The following SAMD5 variants were observed in gnomAD, a reference collection of about 807,000 sequenced individuals.
The protein encoded by SAMD5 is sterile alpha motif domain containing 5.
In SAMD5, 13 loss-of-function variants were observed where a neutral mutation model predicts 11.3. The observed-to-expected ratio is 1.15, with a 90% CI of 0.75 to 1.83. The LOEUF is 1.83. SAMD5 is among the 40% of genes most tolerant of loss of function. The pLI, the probability that SAMD5 is intolerant of heterozygous loss-of-function variation, is 0.00. For missense variants in SAMD5, 255 were observed against 239.1 expected (o/e 1.07, Z -0.44); for synonymous variants, 129 against 111.3 (o/e 1.16, Z -1.00).
chr6:147,677,759 T>C (rs73787371), intron 1 of SAMD5, among the ~76,000 whole-genome samples: 5,422 of 151,844 alleles, frequency 0.036, 331 homozygotes, highest in African/African-American at 0.12. Context: ...GGTTAGAGGG[T>C]GTATGGTGGT....
chr6:147,678,283 TTTG>T (rs34938695), intron 1 of SAMD5, among the ~76,000 whole-genome samples: 92,083 of 151,764 alleles, frequency 0.61, 28,455 homozygotes, highest in East Asian at 0.71. Context: ...AATAACAAAA[TTTG>T]TTATTGTAAA....
intron 1 of SAMD5, among the ~76,000 whole-genome samples, chr6:147,622,129 A>G (rs1789980107): frequency 6.6e-6 from 1 of 152,194 alleles, no homozygotes; most frequent in Admixed American, 6.5e-5. Context: ...GGCAGGGTAC[A>G]GTCATCCCTC....
At chr6:147,754,869 G>T in the SAMD5 span, among the ~76,000 whole-genome samples, 1 of 152,026 alleles carries the variant, frequency 6.6e-6, no homozygotes, top group Non-Finnish European at 1.5e-5. Flanking sequence ...TGAGTTTACT[G>T]TCAGTGTATG....
At chr6:147,912,491 A>T in the SAMD5 span, among the ~76,000 whole-genome samples, 2 of 152,232 alleles carry the variant, frequency 1.3e-5, no homozygotes, top group African/African-American at 4.8e-5. Flanking sequence ...TAAATAGAGC[A>T]TAAAAGGGTA....
chr6:147,762,656 T>C, the SAMD5 span, among the ~76,000 whole-genome samples: 3 of 152,202 alleles, frequency 2.0e-5, no homozygotes, highest in Admixed American at 6.5e-5. Flanking sequence ...CTCAACAAAT[T>C]TAATACATGA....
chr6:147,953,796 T>C, the SAMD5 span: 121,707 of 152,144 alleles, frequency 0.8, 48,844 homozygotes, highest in Middle Eastern at 0.91. Context: ...ATGCCACTAA[T>C]ACATCTTTGG....
chr6:147,899,992 A>G, the SAMD5 span, among the ~76,000 whole-genome samples: 1 of 152,216 alleles, frequency 6.6e-6, no homozygotes, highest in Non-Finnish European at 1.5e-5. Flanking sequence ...GGGAAGCAAG[A>G]AGGTAAATTG....
At chr6:147,624,882 T>TAA (rs5880718) in intron 1 of SAMD5, among the ~76,000 whole-genome samples, 45 of 150,070 alleles carry the variant, frequency 3.0e-4, no homozygotes, top group South Asian at 4.2e-4. Flanking sequence ...AATAAAAAAT[T>TAA]AAAAAAAAAA....
chr6:147,674,521 T>A (rs763951725), intron 1 of SAMD5, among the ~76,000 whole-genome samples: 17 of 152,164 alleles, frequency 1.1e-4, no homozygotes, highest in Non-Finnish European at 5.9e-5. Flanking sequence ...CTCAATGCAC[T>A]CCAACCAGGG....
At chr6:147,747,672 G>A in the SAMD5 span, among the ~76,000 whole-genome samples, 1 of 151,774 alleles carries the variant, frequency 6.6e-6, no homozygotes, top group African/African-American at 2.4e-5. Context: ...TACCACGCCC[G>A]GCTAATTTTT....
rs1941179356 is a variant in SAMD5, at chr6:147,691,076, C to T, written c.163-46241C>T. On this transcript the variant is annotated intron_variant, in intron 1 of 1. Coordinates refer to the SAMD5 transcript ENST00000566741. ...ATGGCACAACCTTAGCTTACTGCAA[C>T]ACCCCCCTCCCGAGTTCAAGCCATT... is the stretch of plus-strand genomic sequence containing the variant. 3.3e-5 allele frequency among the ~76,000 whole-genome samples: 5 copies of T among 151,290 alleles called. No homozygotes were observed. The South Asian group carries it at 1.0e-3, about 32-fold the overall frequency.
At chr6:147,679,563 T>A (rs1790911913) in intron 1 of SAMD5, among the ~76,000 whole-genome samples, 1 of 152,134 alleles carries the variant, frequency 6.6e-6, no homozygotes, top group South Asian at 2.1e-4. Flanking sequence ...AATTACTTTA[T>A]CAAATAGGTT....
chr6:147,822,891 C>T, the SAMD5 span, among the ~76,000 whole-genome samples: 83 of 152,182 alleles, frequency 5.5e-4, no homozygotes, highest in African/African-American at 1.9e-3. Context: ...CTCAGCTCAC[C>T]GCAACCTCCA....
At chr6:147,927,063 G>T in the SAMD5 span, among the ~76,000 whole-genome samples, 2 of 152,140 alleles carry the variant, frequency 1.3e-5, no homozygotes, top group African/African-American at 2.4e-5. Flanking sequence ...TTTGGTTACT[G>T]CAGTCCTGTA....
the SAMD5 span, among the ~76,000 whole-genome samples, chr6:147,785,560 C>T: frequency 1.3e-5 from 2 of 152,164 alleles, no homozygotes; most frequent in African/African-American, 4.8e-5. Flanking sequence ...TGGGCCAATA[C>T]CCCAGCCCAG....
At chr6:147,720,627 A>G (rs1453029456) in intron 1 of SAMD5, among the ~76,000 whole-genome samples, 1 of 152,146 alleles carries the variant, frequency 6.6e-6, no homozygotes, top group African/African-American at 2.4e-5. Flanking sequence ...TGAACTTCTC[A>G]GTGGCAGCCT....
chr6:147,556,194 G>T (rs1395661202), intron 1 of SAMD5, among the ~76,000 whole-genome samples: 1 of 151,886 alleles, frequency 6.6e-6, no homozygotes, highest in East Asian at 1.9e-4. Flanking sequence ...TTGGGCTCAT[G>T]CCATTCTCCC....
At chr6:147,948,393 G>T in the SAMD5 span, among the ~76,000 whole-genome samples, 1 of 151,782 alleles carries the variant, frequency 6.6e-6, no homozygotes, top group African/African-American at 2.4e-5. Context: ...TTTTTGAGCT[G>T]ACACAGAAAA....
intron 1 of SAMD5, among the ~76,000 whole-genome samples, chr6:147,517,776 C>T (rs1378904992): frequency 1.3e-5 from 2 of 151,522 alleles, no homozygotes; most frequent in African/African-American, 2.4e-5. Flanking sequence ...GGGGTAAACA[C>T]CTAAAGTAAT....
Sources: gnomAD v4.1 joint callset for allele counts (sites outside exome capture counted in the v4.1 genomes callset) on GRCh38, gnomAD v4.1.1 for gene constraint, MANE v1.5 for transcripts, NCBI Gene and HGNC (gene_info 2026-07-23, HGNC 2026-07-21) for gene names.